Variants in NEB observed in about 807,000 individuals in gnomAD.
The protein encoded by NEB is nebulin, also known as nemaline myopathy type 2.
In NEB, 512 loss-of-function variants were observed where a neutral mutation model predicts 952.2. The ratio of observed to expected loss-of-function variants is 0.54; its 90% CI spans 0.50 to 0.58. The LOEUF (loss-of-function observed/expected upper bound fraction) is 0.58. Ranked by LOEUF, NEB falls within the 20% of genes least tolerant of loss-of-function variation. The pLI is 0.00. For missense variants in NEB, 8,428 were observed against 9,231.1 expected (o/e 0.91, Z 3.56); for synonymous variants, 2,900 against 3,149.8 (o/e 0.92, Z 2.66).
In NEB at chr2:151,627,139, C is replaced by T; in HGVS notation, c.10210G>A (p.Val3404Met). The change falls in exon 70 of 182, where the codon GTG (valine) becomes ATG (methionine). Residue 3404 changes from valine to methionine, a missense_variant. By Grantham distance (21) the Val-to-Met change is conservative. This residue lies in a region of NEB where 1,772 missense variants were observed against 1,960.3 expected (regional missense o/e 0.90). Coordinates refer to ENST00000397345, the MANE Select transcript of NEB (RefSeq NM_001164508.2). ...IGWVPIGSMD[V>M]VKCKRAAEIL... The stretch of plus-strand genomic sequence containing the variant: ...TCAGCAGCTCTCTTGCACTTGACCA[C>T]ATCCATAGACCCAATGGGGACCCAG... The T allele has an allele frequency of 1.9e-6, 3 of 1,613,974 alleles. No individual in the cohort carries two copies. Among genetic ancestry groups the T allele is most frequent in the Non-Finnish European group, 2.5e-6 (3 of 1,179,868 alleles).
intron 67 of NEB, 97 bp from the exon 68 acceptor site, chr2:151,629,743 G>A (rs901861624): frequency 1.0e-6 from 1 of 990,960 alleles, no homozygotes; most frequent in Non-Finnish European, 1.5e-6. Flanking sequence ...AAAAAGGATA[G>A]GAACTGGAGA....
chr2:151,578,774 G>A (rs1190778948), intron 105 of NEB, among the ~76,000 whole-genome samples: 1 of 149,790 alleles, frequency 6.7e-6, no homozygotes, highest in Non-Finnish European at 1.5e-5. Context: ...AAGGAATGAA[G>A]GAAGGAAGGA....
At position 151,554,921 on chromosome 2, in the gene NEB, C is replaced by CCGTA; in HGVS notation, c.19428+6_19428+9dup. On this transcript the variant is annotated intron_variant, in intron 125 of 181. Coordinates refer to ENST00000397345, the MANE Select transcript of NEB (RefSeq NM_001164508.2). ...ATCCTAGTCATTAAGGGGCGCATGACCGTACTTACATCGATGTTAAGCTTG... is the reference window on the plus strand; with the variant it reads ...ATCCTAGTCATTAAGGGGCGCATGACCGTACGTACTTACATCGATGTTAAGCTTG... 1 of 1,583,658 alleles carries CCGTA rather than the reference C, an allele frequency of 6.3e-7. No homozygotes were observed. Among genetic ancestry groups the CCGTA allele is most frequent in the Non-Finnish European group, 8.7e-7 (1 of 1,152,268 alleles).
At chr2:151,690,702 C>T (rs1415307777) in intron 24 of NEB, 25 bp downstream of exon 24, 11 of 1,522,078 alleles carry the variant, frequency 7.2e-6, no homozygotes, top group Middle Eastern at 1.7e-4. Flanking sequence ...GGGTCACCCA[C>T]GCTTGCATAA....
chr2:151,559,028 T>C (rs2095849536), intron 124 of NEB, among the ~76,000 whole-genome samples: 2 of 152,188 alleles, frequency 1.3e-5, no homozygotes, highest in African/African-American at 2.4e-5. Flanking sequence ...AAAAAATTTC[T>C]GCAATCTATC....
Position 151,659,148 on chromosome 2 carries a change from C to G in NEB, c.5992G>C (p.Glu1998Gln), listed in dbSNP as rs1440657055. Residue 1998 changes from glutamate to glutamine, a missense_variant, in exon 47 of 182, where the codon GAG becomes CAG. By Grantham distance (29) the Glu-to-Gln change is conservative. This residue lies in a region of NEB where 2,851 missense variants were observed against 2,791.5 expected (regional missense o/e 1.02). Transcript: ENST00000397345. ...MNEHLYKQAWEADKTKVHIMP... is the reference protein window; with the variant it reads ...MNEHLYKQAWQADKTKVHIMP... ...ATGTGGACTTTGGTTTTGTCAGCCTCCCATGCTTGTTTGTAGAGATGCTAG... is the reference window on the plus strand; with the variant it reads ...ATGTGGACTTTGGTTTTGTCAGCCTGCCATGCTTGTTTGTAGAGATGCTAG... The G allele has an allele frequency of 1.2e-6, 2 of 1,612,130 alleles. No individual in the cohort carries two copies. The highest frequency in any genetic ancestry group is 1.3e-5 in the African/African-American group (1 of 74,926).
intron 146 of NEB, among the ~76,000 whole-genome samples, chr2:151,528,535 T>C (rs1218283401): frequency 6.6e-6 from 1 of 152,210 alleles, no homozygotes; most frequent in East Asian, 1.9e-4. Context: ...CCTCAATCCA[T>C]CCTCAGGATA....
In NEB at chr2:151,631,222, G is replaced by A. The variant is rs764372069; in HGVS notation, c.9539C>T (p.Pro3180Leu). 49 of 1,613,758 alleles carry A rather than the reference G, an allele frequency of 3.0e-5. No homozygotes were observed. The South Asian group carries it at 3.2e-4, about 10-fold the overall frequency. The part of the protein sequence containing the change: ...ILSDNIYRQP[P>L]DKLKFTSVTD... ...CACACTGGTAAATTTCAGCTTGTCCGGAGGCTGGCGGTAGATGTTATCACT... is the reference window on the plus strand; with the variant it reads ...CACACTGGTAAATTTCAGCTTGTCCAGAGGCTGGCGGTAGATGTTATCACT... Residue 3180 changes from proline (P) to leucine (L), a missense_variant, in exon 66 of 182, where the codon CCG (proline) becomes CTG (leucine). Transcript: ENST00000397345.
chr2:151,715,339 A>T (rs1159040083), intron 10 of NEB, among the ~76,000 whole-genome samples: 1 of 152,274 alleles, frequency 6.6e-6, no homozygotes, highest in Non-Finnish European at 1.5e-5. Context: ...TCTTTTCTTC[A>T]TAATTAAATA....
At chr2:151,670,401 G>A (rs762118890) in intron 38 of NEB, among the ~76,000 whole-genome samples, 2 of 146,836 alleles carry the variant, frequency 1.4e-5, no homozygotes, top group African/African-American at 5.3e-5. Context: ...ATTGTAATTC[G>A]CTTCTGACAG....
chr2:151,581,790 T>C (rs1183201723), intron 102 of NEB, among the ~76,000 whole-genome samples: 2 of 146,966 alleles, frequency 1.4e-5, no homozygotes, highest in Non-Finnish European at 3.0e-5. Flanking sequence ...TTATATTAAA[T>C]AATAAGCAAA....
chr2:151,614,295 G>A lies in NEB; in HGVS notation c.11582C>T (p.Ala3861Val), dbSNP rs773465698. ...DQNDVIQARK[A>V]YDLQSDAIYK... is the part of the protein sequence containing the mutation. ...ACTCACATCACTCTGCAGGTCATAG[G>A]CCTTCCGAGCCTGAATGACGTCATT... is the stretch of plus-strand genomic sequence containing the variant. The change falls in exon 77 of 182, where the codon GCC (alanine) becomes GTC (valine). Residue 3861 changes from alanine to valine, a missense_variant. By Grantham distance (64) the Ala-to-Val change is moderately conservative. This residue lies in a region of NEB where 1,772 missense variants were observed against 1,960.3 expected (regional missense o/e 0.90). Coordinates refer to ENST00000397345, the MANE Select transcript of NEB (RefSeq NM_001164508.2). 1.9e-6 allele frequency: 3 copies of A among 1,613,784 alleles called. No individual in the cohort carries two copies. The Admixed American group carries it at 5.0e-5, about 27-fold the overall frequency.
intron 92 of NEB, among the ~76,000 whole-genome samples, chr2:151,595,369 A>G (rs1469675018): frequency 1.3e-5 from 2 of 152,252 alleles, no homozygotes; most frequent in African/African-American, 4.8e-5. Context: ...CTCCTGCCTC[A>G]GACTCCTGAG....
At chr2:151,554,710 C>G in intron 125 of NEB, among the ~76,000 whole-genome samples, 2 of 152,160 alleles carry the variant, frequency 1.3e-5, no homozygotes, top group Non-Finnish European at 2.9e-5. Flanking sequence ...TGTACCTTTT[C>G]TATGTTTAGA....
Position 151,496,251 on chromosome 2 carries a change from G to GT in NEB, c.24486+24dup, listed in dbSNP as rs772724327. 12 of 1,552,068 alleles carry GT rather than the reference G, an allele frequency of 7.7e-6. No homozygotes were observed. In the Admixed American group the frequency reaches 9.0e-5, roughly 12 times the overall value. ...AAGTAGTTTTTAAAATCAGTAAGTAGTTTTTTTCTTTTCTCGCCAAGTACC... is the reference window on the plus strand; with the variant it reads ...AAGTAGTTTTTAAAATCAGTAAGTAGTTTTTTTTCTTTTCTCGCCAAGTACC... On this transcript the variant is annotated intron_variant, in intron 173 of 181. Transcript: ENST00000397345.
Position 151,568,705 on chromosome 2 carries a change from G to A in NEB, c.17547C>T (p.Arg5849=). The A allele has an allele frequency of 6.3e-7, 1 of 1,595,784 alleles. No individual in the cohort carries two copies. The highest frequency in any genetic ancestry group is 8.5e-7 in the Non-Finnish European group (1 of 1,170,162). ...TAAAGTTGAGAGTTTCTATTTTTGTGCGATATTTTTTCTATGGGAAAGAAA... is the reference window on the plus strand; with the variant it reads ...TAAAGTTGAGAGTTTCTATTTTTGTACGATATTTTTTCTATGGGAAAGAAA... The part of the protein sequence containing the change: ...AADIFSEKKY[R]TKIETLNFTP... Residue 5849 remains arginine, a synonymous_variant, in exon 111 of 182, where the codon CGC becomes CGT. Transcript: ENST00000397345.
Position 151,640,574 on chromosome 2 carries a change from G to T in NEB, c.8466C>A (p.His2822Gln), listed in dbSNP as rs61730771. The T allele has an allele frequency of 6.2e-7, 1 of 1,613,812 alleles. No individual in the cohort carries two copies. Among genetic ancestry groups the T allele is most frequent in the Non-Finnish European group, 8.5e-7 (1 of 1,179,840 alleles). The change falls in exon 61 of 182, where the codon CAC becomes CAA. Residue 2822 changes from histidine to glutamine, a missense_variant. Coordinates refer to ENST00000397345, the MANE Select transcript of NEB (RefSeq NM_001164508.2). ...CCCTGTCACTCTGGATCTTGGCCAC[G>T]TGCATGGACCACATCATCTTGGGGT... ...RDDPKMMWSMHVAKIQSDREY... is the reference protein window; with the variant it reads ...RDDPKMMWSMQVAKIQSDREY...
rs745615279 is a variant in NEB, at chr2:151,492,472, C to T, written c.24788G>A (p.Arg8263Gln). ...ISSVLYSDSF[R>Q]KQIQGKAAYV... ...GGCAGCTTTGCCTTGTATTTGTTTC[C>T]GGAAACTATCAGAATAAAGAACCTG... The change falls in exon 177 of 182, where the codon CGG (arginine) becomes CAG (glutamine). Residue 8263 changes from arginine to glutamine, a missense_variant. Coordinates refer to ENST00000397345, the MANE Select transcript of NEB (RefSeq NM_001164508.2). The T allele has an allele frequency of 6.8e-6, 11 of 1,612,990 alleles. No individual in the cohort carries two copies. The highest frequency in any genetic ancestry group is 1.1e-5 in the South Asian group (1 of 90,978).
intron 117 of NEB, 94 bp from the exon 118 acceptor site, chr2:151,564,024 G>A (rs1159705394): frequency 2.2e-6 from 2 of 893,396 alleles, no homozygotes; most frequent in Non-Finnish European, 1.7e-6. Flanking sequence ...AAACATGTAT[G>A]TTCAAGGCAA....
Sources: allele counts gnomAD v4.1 joint callset (sites outside exome capture counted in the v4.1 genomes callset), GRCh38; gene constraint gnomAD v4.1.1; regional missense constraint gnomAD v4.1.1; transcripts MANE v1.5; gene names NCBI Gene and HGNC (gene_info 2026-07-23, HGNC 2026-07-21).